Variants in MGAT4C observed in about 807,000 individuals in gnomAD.
MGAT4C encodes the protein MGAT4 family member C.
In MGAT4C, 19 loss-of-function variants were observed where a neutral mutation model predicts 40.1. The observed-to-expected ratio is 0.47, with a 90% CI of 0.33 to 0.70. MGAT4C has a LOEUF of 0.70. Among genes scored for constraint, MGAT4C ranks in the 30% least tolerant of loss-of-function variants. The pLI, the probability that MGAT4C is intolerant of heterozygous loss-of-function variation, is 0.02. For synonymous variants in MGAT4C, 181 were observed against 187.1 expected (o/e 0.97, Z 0.27); for missense variants, 491 against 563.2 (o/e 0.87, Z 1.30).
chr12:86,168,097 T>C (rs1285319783), intron 1 of MGAT4C, among the ~76,000 whole-genome samples: 1 of 152,202 alleles, frequency 6.6e-6, no homozygotes, highest in African/African-American at 2.4e-5. Flanking sequence ...CTTTATCAAA[T>C]ATCATTTGTG....
chr12:86,287,755 G>A (rs1199568320), intron 4 of MGAT4C, among the ~76,000 whole-genome samples: 7 of 152,150 alleles, frequency 4.6e-5, no homozygotes, highest in Non-Finnish European at 8.8e-5. Flanking sequence ...AATATTGATG[G>A]GCATTTGGGT....
chr12:86,495,635 G>A (rs1216522025), intron 2 of MGAT4C, among the ~76,000 whole-genome samples: 1 of 152,010 alleles, frequency 6.6e-6, no homozygotes, highest in Non-Finnish European at 1.5e-5. Flanking sequence ...GATGGAAAGA[G>A]TAGCAGATAC....
At chr12:86,320,221 T>A (rs879674879) in intron 4 of MGAT4C, among the ~76,000 whole-genome samples, 1 of 152,150 alleles carries the variant, frequency 6.6e-6, no homozygotes, top group Non-Finnish European at 1.5e-5. Context: ...AATATTGATA[T>A]CTGATAATGG....
intron 2 of MGAT4C, among the ~76,000 whole-genome samples, chr12:86,612,222 TTATTA>T (rs1394007607): frequency 6.6e-6 from 1 of 151,922 alleles, no homozygotes; most frequent in African/African-American, 2.4e-5. Context: ...TGCATTTATT[TTATTA>T]TAATATTTTC....
chr12:86,106,724 T>C (rs1442722808), intron 1 of MGAT4C, among the ~76,000 whole-genome samples: 1 of 152,118 alleles, frequency 6.6e-6, no homozygotes. Flanking sequence ...TTTCTTTCCA[T>C]ATGTGAGGTG....
chr12:86,197,074 A>G (rs1419489563), intron 1 of MGAT4C, among the ~76,000 whole-genome samples: 1 of 152,166 alleles, frequency 6.6e-6, no homozygotes, highest in Non-Finnish European at 1.5e-5. Flanking sequence ...CTCTTCTGCC[A>G]AATATCCAAG....
At chr12:86,004,517 C>T (rs921929029) in intron 2 of MGAT4C, among the ~76,000 whole-genome samples, 8 of 152,060 alleles carry the variant, frequency 5.3e-5, no homozygotes, top group Non-Finnish European at 1.0e-4. Flanking sequence ...AGCTACAAGC[C>T]ATAATGCTTC....
chr12:86,758,140 A>G (rs1951337814), intron 1 of MGAT4C, among the ~76,000 whole-genome samples: 1 of 152,168 alleles, frequency 6.6e-6, no homozygotes. Flanking sequence ...ATGAGCTTCT[A>G]CTGAAACTCA....
intron 2 of MGAT4C, among the ~76,000 whole-genome samples, chr12:86,693,281 T>C (rs990794744): frequency 6.6e-6 from 1 of 152,234 alleles, no homozygotes; most frequent in Non-Finnish European, 1.5e-5. Flanking sequence ...CACTGATTAA[T>C]TCATTCATTG....
intron 2 of MGAT4C, among the ~76,000 whole-genome samples, chr12:86,565,057 C>T (rs1960031498): frequency 6.6e-6 from 1 of 152,178 alleles, no homozygotes; most frequent in Non-Finnish European, 1.5e-5. Context: ...AGAGACAGCT[C>T]TTGGCCTGTT....
chr12:86,390,665 C>G (rs1255676043), intron 3 of MGAT4C, among the ~76,000 whole-genome samples: 1 of 152,072 alleles, frequency 6.6e-6, no homozygotes, highest in Non-Finnish European at 1.5e-5. Flanking sequence ...AAATTTGAAT[C>G]ACAAACAAAT....
chr12:86,834,845 G>C (rs1489577358), intron 1 of MGAT4C, among the ~76,000 whole-genome samples: 1 of 151,846 alleles, frequency 6.6e-6, no homozygotes, highest in African/African-American at 2.4e-5. Context: ...TGTCTCTAAA[G>C]AAAACAAAAA....
chr12:86,160,629 G>A (rs1885491307), intron 1 of MGAT4C, among the ~76,000 whole-genome samples: 1 of 151,978 alleles, frequency 6.6e-6, no homozygotes. Context: ...GAGTTTCCTT[G>A]TTAGTTTTCT....
rs1489935268 is a variant in MGAT4C at position 85,989,425 on chromosome 12, A to C, written c.122T>G (p.Leu41Trp). 1 of 1,607,400 alleles carries C rather than the reference A, an allele frequency of 6.2e-7. No homozygotes were observed. Among genetic ancestry groups the C allele is most frequent in the Admixed American group, 1.7e-5 (1 of 59,112 alleles). The change falls in exon 3 of 5, where the codon TTG becomes TGG. Residue 41 changes from leucine (L) to tryptophan (W), a missense_variant. By Grantham distance (61) the Leu-to-Trp change is moderately conservative. Transcript: ENST00000611864. ...CAGAACATAGCTATCTTCAATGTAC[A>C]AGTTCATAAAAAGGAGAAAAATGAC... The part of the protein sequence containing the change: ...VLVIFLLFMN[L>W]YIEDSYVLEG...
chr12:86,552,923 T>G (rs1355480246), intron 2 of MGAT4C, among the ~76,000 whole-genome samples: 1 of 152,100 alleles, frequency 6.6e-6, no homozygotes, highest in African/African-American at 2.4e-5. Flanking sequence ...TTATTACTTG[T>G]AATGGCAAAA....
chr12:86,040,936 G>A (rs914487484), intron 2 of MGAT4C, among the ~76,000 whole-genome samples: 3 of 152,108 alleles, frequency 2.0e-5, no homozygotes, highest in African/African-American at 7.2e-5. Context: ...AGGAGAGGGA[G>A]TTCCCCGAGC....
chr12:86,759,577 A>G (rs1207651846), intron 1 of MGAT4C, among the ~76,000 whole-genome samples: 1 of 152,006 alleles, frequency 6.6e-6, no homozygotes, highest in African/African-American at 2.4e-5. Context: ...AGTAGCTATT[A>G]TTACTGGAGT....
intron 2 of MGAT4C, among the ~76,000 whole-genome samples, chr12:86,606,236 C>T (rs1962042136): frequency 6.6e-6 from 1 of 152,030 alleles, no homozygotes; most frequent in Admixed American, 6.6e-5. Flanking sequence ...GGATGCAAAG[C>T]TTAACCGTAT....
intron 3 of MGAT4C, among the ~76,000 whole-genome samples, chr12:86,388,961 G>A (rs974176422): frequency 6.6e-6 from 1 of 152,038 alleles, no homozygotes; most frequent in Non-Finnish European, 1.5e-5. Flanking sequence ...TGAGATTACA[G>A]GCCTGAACCA....
Sources: gnomAD v4.1 joint callset for allele counts (sites outside exome capture counted in the v4.1 genomes callset) on GRCh38, gnomAD v4.1.1 for gene constraint, MANE v1.5 for transcripts, NCBI Gene and HGNC (gene_info 2026-07-23, HGNC 2026-07-21) for gene names.